The following PAPSS2 variants were observed in gnomAD, a reference collection of about 807,000 sequenced individuals.
The protein encoded by PAPSS2 is bifunctional 3'-phosphoadenosine 5'-phosphosulfate synthase 2.
PAPSS2 carries 61 observed loss-of-function variants against 66.5 expected under a neutral mutation model. The observed-to-expected ratio is 0.92, with a 90% confidence interval of 0.75 to 1.14. PAPSS2 has a LOEUF of 1.14. Among genes scored for constraint, PAPSS2 ranks in the 50% most tolerant of loss-of-function variants. The pLI, the probability that PAPSS2 is intolerant of heterozygous loss-of-function variation, is 0.00. For synonymous variants in PAPSS2, 289 were observed against 287.5 expected (o/e 1.01, Z -0.05); for missense variants, 708 against 789.6 (o/e 0.90, Z 1.24).
chr10:87,715,075 C>T lies in PAPSS2; in HGVS notation c.730C>T (p.Leu244Phe), dbSNP rs1853516968. Residue 244 changes from leucine to phenylalanine, a missense_variant, in exon 6 of 13, where the codon CTC (leucine) becomes TTC (phenylalanine). Coordinates refer to ENST00000456849, the MANE Select transcript of PAPSS2 (RefSeq NM_001015880.2). The stretch of plus-strand genomic sequence containing the variant: ...CCACGTCCGAGCTGAGGCTGAAACT[C>T]TCCCTTCATTATCAATTACTAAGGT... ...LDHVRAEAET[L>F]PSLSITKLDL... 6 of 1,608,388 alleles carry T rather than the reference C, an allele frequency of 3.7e-6. No individual in the cohort carries two copies. Among genetic ancestry groups the T allele is most frequent in the Non-Finnish European group, 5.1e-6 (6 of 1,174,802 alleles).
chr10:87,662,983 A>G (rs1307528508), intron 1 of PAPSS2, among the ~76,000 whole-genome samples: 4 of 149,168 alleles, frequency 2.7e-5, no homozygotes, highest in Admixed American at 1.3e-4. Flanking sequence ...GGTTCAAGCC[A>G]TTCTCTTGCC....
chr10:87,708,436 GAT>G (rs1853419277), intron 1 of PAPSS2, among the ~76,000 whole-genome samples: 1 of 152,176 alleles, frequency 6.6e-6, no homozygotes, highest in Non-Finnish European at 1.5e-5. Context: ...GAGCAACGGG[GAT>G]ATTACTGACT....
At chr10:87,709,150 G>T in intron 1 of PAPSS2, 46 bp from the exon 2 acceptor site, 2 of 1,225,330 alleles carry the variant, frequency 1.6e-6, no homozygotes, top group Non-Finnish European at 2.4e-6. Flanking sequence ...TGAAGAATAT[G>T]TGTTTTATTA....
rs1399519652 is a variant in PAPSS2, at chr10:87,714,184, T to A, written c.520+2T>A. On this transcript the variant is annotated splice_donor_variant, in intron 4 of 12. Transcript: ENST00000456849. LOFTEE classifies it high-confidence loss of function. Reference sequence around the variant, plus strand: ...GGGCCAGAGCTGGGGAGATTAAAGGTAAGAGAATTGGCTAGTAGCGTCTAC... The same window carrying A: ...GGGCCAGAGCTGGGGAGATTAAAGGAAAGAGAATTGGCTAGTAGCGTCTAC... The A allele has an allele frequency of 1.2e-6, 2 of 1,612,620 alleles. No individual in the cohort carries two copies. The highest frequency in any genetic ancestry group is 1.7e-6 in the Non-Finnish European group (2 of 1,179,786).
At position 87,716,751 on chromosome 10, in the gene PAPSS2, T is replaced by C. The variant is rs368051673; in HGVS notation, c.865+908T>C. On this transcript the variant is annotated intron_variant, in intron 7 of 12. Transcript: ENST00000456849. ...GCATGGGCCCTCTTCCCTTATTCTT[T>C]TGCTGTGACAGATAACACCCCACAA... Among the ~76,000 whole-genome samples, 14 of 152,326 alleles carry C rather than the reference T, an allele frequency of 9.2e-5. No homozygotes were observed. In the East Asian group the frequency reaches 2.5e-3, roughly 27 times the overall value.
At chr10:87,702,942 GGC>G (rs1312289450) in intron 1 of PAPSS2, among the ~76,000 whole-genome samples, 2 of 152,216 alleles carry the variant, frequency 1.3e-5, no homozygotes, top group African/African-American at 4.8e-5. Flanking sequence ...GCAAAATCAA[GGC>G]TGAGGCTCCC....
intron 9 of PAPSS2, among the ~76,000 whole-genome samples, chr10:87,735,504 A>C (rs1217206800): frequency 6.6e-6 from 1 of 152,200 alleles, no homozygotes; most frequent in East Asian, 1.9e-4. Flanking sequence ...AACTCTAAGC[A>C]ATGAGGAGAA....
At chr10:87,704,259 A>C (rs1292660387) in intron 1 of PAPSS2, among the ~76,000 whole-genome samples, 2 of 152,248 alleles carry the variant, frequency 1.3e-5, no homozygotes, top group East Asian at 3.8e-4. Context: ...GCAGTTATCA[A>C]AGACCAAAAG....
intron 7 of PAPSS2, among the ~76,000 whole-genome samples, chr10:87,717,414 C>A (rs183138467): frequency 6.6e-6 from 1 of 152,120 alleles, no homozygotes; most frequent in Non-Finnish European, 1.5e-5. Context: ...TAATGGAAAT[C>A]AGAGGTCCTT....
At chr10:87,728,104 C>A (rs940701101) in intron 9 of PAPSS2, among the ~76,000 whole-genome samples, 1 of 151,954 alleles carries the variant, frequency 6.6e-6, no homozygotes, top group African/African-American at 2.4e-5. Flanking sequence ...GTCTATCATG[C>A]CTAAAGGGAA....
intron 8 of PAPSS2, among the ~76,000 whole-genome samples, chr10:87,724,436 C>T (rs1853632827): frequency 6.6e-6 from 1 of 151,754 alleles, no homozygotes; most frequent in African/African-American, 2.4e-5. Context: ...AAAGAACCCC[C>T]ATAACTCTGT....
chr10:87,706,098 A>ATGTGTGTGTGTG (rs1408888630), intron 1 of PAPSS2, among the ~76,000 whole-genome samples: 6 of 83,384 alleles, frequency 7.2e-5, no homozygotes, highest in African/African-American at 4.2e-4. Flanking sequence ...ATATATATAT[A>ATGTGTGTGTGTG]TATATATATA....
intron 1 of PAPSS2, among the ~76,000 whole-genome samples, chr10:87,698,809 C>T (rs895564569): frequency 6.6e-6 from 1 of 152,090 alleles, no homozygotes; most frequent in African/African-American, 2.4e-5. Flanking sequence ...TTGCTTGAGC[C>T]CAAGAGTTCA....
intron 8 of PAPSS2, among the ~76,000 whole-genome samples, chr10:87,723,943 T>G (rs2131717945): frequency 6.6e-6 from 1 of 152,316 alleles, no homozygotes; most frequent in Non-Finnish European, 1.5e-5. Flanking sequence ...GTTAAATGTT[T>G]TCTTTATTCA....
intron 1 of PAPSS2, among the ~76,000 whole-genome samples, chr10:87,691,073 T>C (rs1470362194): frequency 6.6e-6 from 1 of 152,206 alleles, no homozygotes; most frequent in African/African-American, 2.4e-5. Context: ...GAGCTCATCT[T>C]ACAGTACTAC....
intron 1 of PAPSS2, among the ~76,000 whole-genome samples, chr10:87,665,177 C>T (rs1403300462): frequency 6.6e-6 from 1 of 151,660 alleles, no homozygotes; most frequent in Non-Finnish European, 1.5e-5. Flanking sequence ...GTGTCTGGCC[C>T]CACTCCTAGC....
intron 1 of PAPSS2, among the ~76,000 whole-genome samples, chr10:87,688,012 C>T (rs1303855720): frequency 2.0e-5 from 3 of 152,108 alleles, no homozygotes; most frequent in Admixed American, 6.5e-5. Flanking sequence ...CAATTAAGTC[C>T]TGTATATTTA....
chr10:87,701,404 T>TTCTCTC (rs60115570), intron 1 of PAPSS2, among the ~76,000 whole-genome samples: 2 of 57,878 alleles, frequency 3.5e-5, no homozygotes, highest in Admixed American at 2.4e-4. Flanking sequence ...TTCTCTTTCT[T>TTCTCTC]TCTCTCTCTC....
intron 1 of PAPSS2, among the ~76,000 whole-genome samples, chr10:87,670,792 G>A (rs1852867221): frequency 6.6e-6 from 1 of 152,158 alleles, no homozygotes; most frequent in Non-Finnish European, 1.5e-5. Context: ...TGCACAGTTA[G>A]TCACATTTAG....
Sources: allele counts gnomAD v4.1 joint callset (sites outside exome capture counted in the v4.1 genomes callset), GRCh38; gene constraint gnomAD v4.1.1; transcripts MANE v1.5; gene names NCBI Gene and HGNC (gene_info 2026-07-23, HGNC 2026-07-21).